The following SIPA1L1 variants were observed in gnomAD, a reference collection of about 807,000 sequenced individuals.
SIPA1L1 encodes the protein signal induced proliferation associated 1 like 1.
SIPA1L1 carries 26 observed loss-of-function variants against 162.7 expected under a neutral mutation model. That is an observed-to-expected ratio of 0.16 (90% CI 0.12 to 0.22). The LOEUF (loss-of-function observed/expected upper bound fraction) is 0.22, where lower values mean the gene tolerates loss of function less well. Among genes scored for constraint, SIPA1L1 ranks in the 10% least tolerant of loss-of-function variants. The probability of loss-of-function intolerance (pLI) is 1.00; values close to 1 mark genes in which losing one functional copy is unlikely to be tolerated. For synonymous variants in SIPA1L1, 829 were observed against 837.4 expected, an observed-to-expected ratio of 0.99 and a Z score of 0.17; for missense variants, 1,874 against 2,241.0, an observed-to-expected ratio of 0.84 and a Z score of 3.31.
At chr14:71,594,579 A>G (rs117199353) in intron 5 of SIPA1L1, among the ~76,000 whole-genome samples, 209 of 152,290 alleles carry the variant, frequency 1.4e-3, no homozygotes, top group Non-Finnish European at 2.5e-3. Context: ...ATAAATGGTA[A>G]ACTCCAAGGT....
intron 3 of SIPA1L1, among the ~76,000 whole-genome samples, chr14:71,515,324 C>G (rs1220341486): frequency 2.6e-5 from 4 of 152,182 alleles, no homozygotes; most frequent in South Asian, 2.1e-4. Context: ...AGTACATACC[C>G]TTGAGAATGA....
In SIPA1L1 at chr14:71,618,795, C is replaced by A. The variant is rs150312445; in HGVS notation, c.1537C>A (p.Pro513Thr). 6.2e-7 allele frequency: 1 copy of A among 1,613,748 alleles called. No individual in the cohort carries two copies. Residue 513 changes from proline (P) to threonine (T), a missense_variant, in exon 6 of 24, where the codon CCA (proline) becomes ACA (threonine). By Grantham distance (38) the Pro-to-Thr change is conservative. This residue lies in a region of SIPA1L1 where 685 missense variants were observed against 828.0 expected (regional missense o/e 0.83). Coordinates refer to ENST00000381232, the MANE Select transcript of SIPA1L1 (RefSeq NM_001386936.1). Reference protein sequence around the residue: ...NYFGADENLGPVAVSIRREKP... With the variant: ...NYFGADENLGTVAVSIRREKP... ...TTTTGGGGCTGATGAGAATCTTGGT[C>A]CAGTGGCTGTGAGCATTCGAAGGGA... is the stretch of plus-strand genomic sequence containing the variant.
intron 7 of SIPA1L1, among the ~76,000 whole-genome samples, chr14:71,635,559 G>T (rs2041056800): frequency 6.6e-6 from 1 of 152,118 alleles, no homozygotes; most frequent in Non-Finnish European, 1.5e-5. Context: ...CAACTACATA[G>T]ATAAAGATAT....
chr14:71,441,342 C>T (rs2044838717), intron 2 of SIPA1L1, among the ~76,000 whole-genome samples: 1 of 152,128 alleles, frequency 6.6e-6, no homozygotes, highest in Non-Finnish European at 1.5e-5. Context: ...TGTGGCCTTC[C>T]CTAGGCTGGC....
At chr14:71,420,744 T>G (rs559390804) in intron 2 of SIPA1L1, among the ~76,000 whole-genome samples, 89 of 152,298 alleles carry the variant, frequency 5.8e-4, no homozygotes, top group Non-Finnish European at 1.1e-3. Flanking sequence ...TGTTTTTTTT[T>G]GTTGGAGTTT....
chr14:71,589,105 A>G lies in SIPA1L1; in HGVS notation c.1233A>G (p.Val411=), dbSNP rs747300012. 3.1e-6 allele frequency: 5 copies of G among 1,614,000 alleles called. No individual in the cohort carries two copies. The Admixed American group carries it at 8.3e-5, about 27-fold the overall frequency. Residue 411 remains valine, a synonymous_variant, in exon 5 of 24, where the codon GTA becomes GTG. Coordinates refer to ENST00000381232, the MANE Select transcript of SIPA1L1 (RefSeq NM_001386936.1). ...DQGDDKSNEL[V]MSCPYFRNEI... The stretch of plus-strand genomic sequence containing the variant: ...GAGATGATAAAAGCAATGAGCTTGT[A>G]ATGAGCTGTCCATATTTTCGGAATG...
rs781260051 is a variant in SIPA1L1 at position 71,724,671 on chromosome 14, C to T, written c.4450C>T (p.Arg1484Cys). The T allele has an allele frequency of 5.0e-6, 8 of 1,607,168 alleles. No homozygotes were observed. Among genetic ancestry groups the T allele is most frequent in the South Asian group, 2.2e-5 (2 of 89,918 alleles). ...TCATCTCTTCCCTTTTTTGTCCAGG[C>T]GTCATCAGAGCGATGGCAATGAAAT... ...NSVGFMDTRK[R>C]HQSDGNEIAH... The change falls in exon 19 of 24, where the codon CGT becomes TGT. Residue 1484 changes from arginine to cysteine, a missense_variant and splice_region_variant. Transcript: ENST00000381232.
intron 5 of SIPA1L1, among the ~76,000 whole-genome samples, chr14:71,617,423 T>G (rs938640299): frequency 6.6e-6 from 1 of 152,228 alleles, no homozygotes; most frequent in Non-Finnish European, 1.5e-5. Flanking sequence ...TGTACATGAA[T>G]TTTGTGACAT....
intron 22 of SIPA1L1, among the ~76,000 whole-genome samples, chr14:71,737,114 T>TA (rs1215120463): frequency 1.3e-5 from 2 of 152,168 alleles, no homozygotes; most frequent in African/African-American, 4.8e-5. Context: ...CTTCCTGCCT[T>TA]AGAGATTGGA....
intron 2 of SIPA1L1, among the ~76,000 whole-genome samples, chr14:71,506,783 A>G (rs1045432326): frequency 2.7e-5 from 4 of 147,338 alleles, no homozygotes; most frequent in Admixed American, 6.7e-5. Flanking sequence ...AATTCTCTCC[A>G]TATTATTATC....
At chr14:71,528,414 G>C (rs1412493439) in intron 3 of SIPA1L1, among the ~76,000 whole-genome samples, 2 of 152,100 alleles carry the variant, frequency 1.3e-5, no homozygotes, top group Non-Finnish European at 2.9e-5. Flanking sequence ...CAGCACTTTG[G>C]GAGGCCGAGG....
intron 13 of SIPA1L1, 89 bp downstream of exon 13, chr14:71,685,720 A>G (rs2046232903): frequency 1.4e-6 from 2 of 1,478,952 alleles, no homozygotes; most frequent in Non-Finnish European, 1.8e-6. Context: ...AGGCCTTCTC[A>G]TATTTTACTA....
At chr14:71,325,414 T>A (rs2033677493) in intron 2 of SIPA1L1, among the ~76,000 whole-genome samples, 1 of 152,196 alleles carries the variant, frequency 6.6e-6, no homozygotes, top group African/African-American at 2.4e-5. Context: ...GGGAAAGATT[T>A]GTGGCTTCTG....
intron 2 of SIPA1L1, among the ~76,000 whole-genome samples, chr14:71,323,149 C>G (rs7153726): frequency 0.57 from 87,254 of 151,890 alleles, 25,681 homozygotes; most frequent in East Asian, 0.77. Context: ...CCCCCATCTT[C>G]ATTGTTTAGG....
At chr14:71,729,251 G>T (rs1597266801) in intron 19 of SIPA1L1, among the ~76,000 whole-genome samples, 2 of 152,200 alleles carry the variant, frequency 1.3e-5, no homozygotes, top group African/African-American at 4.8e-5. Flanking sequence ...GGCCAGGCTG[G>T]TCTCAAACTC....
At chr14:71,621,686 T>G (rs375332695) in intron 6 of SIPA1L1, among the ~76,000 whole-genome samples, 1 of 152,180 alleles carries the variant, frequency 6.6e-6, no homozygotes, top group Non-Finnish European at 1.5e-5. Context: ...CCCACTAGAA[T>G]GCAGGCCCCA....
intron 5 of SIPA1L1, among the ~76,000 whole-genome samples, chr14:71,592,369 G>T (rs147457986): frequency 6.6e-6 from 1 of 152,070 alleles, no homozygotes; most frequent in Admixed American, 6.5e-5. Context: ...CTTTTATATA[G>T]TATAAAACAT....
rs140781515 is a variant in SIPA1L1 at position 71,623,809 on chromosome 14, A to G, written c.1630-239A>G. On this transcript the variant is annotated intron_variant, in intron 6 of 23. Transcript: ENST00000381232. ...TTTTTGTCTTTAAATAAATATCCTCAGAAGTCTTGATTATGTGCTCCTTTG... is the reference window on the plus strand; with the variant it reads ...TTTTTGTCTTTAAATAAATATCCTCGGAAGTCTTGATTATGTGCTCCTTTG... 2.3e-3 allele frequency among the ~76,000 whole-genome samples: 355 copies of G among 152,322 alleles called. 1 individual carries two copies. The highest frequency in any genetic ancestry group is 8.2e-3 in the African/African-American group (341 of 41,564).
chr14:71,345,035 C>T (rs907433543), intron 2 of SIPA1L1, among the ~76,000 whole-genome samples: 1 of 152,092 alleles, frequency 6.6e-6, no homozygotes, highest in African/African-American at 2.4e-5. Flanking sequence ...GAAAGGTCAT[C>T]CTGAACATTT....
Sources: gnomAD v4.1 joint callset for allele counts (sites outside exome capture counted in the v4.1 genomes callset) on GRCh38, gnomAD v4.1.1 for gene constraint, gnomAD v4.1.1 regional missense constraint, MANE v1.5 for transcripts, NCBI Gene and HGNC (gene_info 2026-07-23, HGNC 2026-07-21) for gene names.